Variants in GNG2 observed in about 807,000 individuals in gnomAD.
GNG2 encodes the protein G protein subunit gamma 2.
GNG2 carries 5 observed loss-of-function variants against 5.5 expected under a neutral mutation model. The ratio of observed to expected loss-of-function variants is 0.91; its 90% confidence interval spans 0.48 to 1.92. The LOEUF (loss-of-function observed/expected upper bound fraction) is 1.92, where lower values mean the gene tolerates loss of function less well. GNG2 is among the 30% of genes most tolerant of loss of function. The pLI, the probability that GNG2 is intolerant of heterozygous loss-of-function variation, is 0.01. For missense variants in GNG2, 55 were observed against 88.4 expected (o/e 0.62, Z 1.52); for synonymous variants, 28 against 32.0 (o/e 0.88, Z 0.42).
At chr14:51,854,862 C>G (rs1189941710) in intron 2 of GNG2, among the ~76,000 whole-genome samples, 1 of 152,124 alleles carries the variant, frequency 6.6e-6, no homozygotes, top group Non-Finnish European at 1.5e-5. Flanking sequence ...GCCTCCCTCC[C>G]GTCTTTTGCC....
At chr14:51,882,452 G>C (rs1884146490) in intron 2 of GNG2, among the ~76,000 whole-genome samples, 2 of 152,172 alleles carry the variant, frequency 1.3e-5, no homozygotes, top group South Asian at 4.1e-4. Flanking sequence ...ACTGGGAACA[G>C]ATATTTGGAT....
At chr14:51,919,202 A>C (rs2140221123) in intron 2 of GNG2, among the ~76,000 whole-genome samples, 1 of 152,314 alleles carries the variant, frequency 6.6e-6, no homozygotes, top group South Asian at 2.1e-4. Flanking sequence ...GTCTTCATTA[A>C]TTTAAACTCT....
intron 2 of GNG2, among the ~76,000 whole-genome samples, chr14:51,944,452 A>G (rs544809721): frequency 6.6e-6 from 1 of 152,332 alleles, no homozygotes; most frequent in East Asian, 1.9e-4. Flanking sequence ...TGACCTAATT[A>G]CTTCCCAAGG....
At chr14:51,839,217 C>T (rs1018744926) in intron 2 of GNG2, among the ~76,000 whole-genome samples, 4 of 152,178 alleles carry the variant, frequency 2.6e-5, no homozygotes, top group African/African-American at 9.7e-5. Context: ...TGGCTTTATA[C>T]ATTTTAGGGA....
intron 2 of GNG2, among the ~76,000 whole-genome samples, chr14:51,842,423 A>T (rs1280603752): frequency 6.6e-6 from 1 of 152,198 alleles, no homozygotes. Flanking sequence ...CAATAATGGA[A>T]CCTATGACTG....
intron 2 of GNG2, among the ~76,000 whole-genome samples, chr14:51,899,056 A>G (rs1316298): frequency 0.35 from 53,687 of 152,060 alleles, 9,746 homozygotes; most frequent in South Asian, 0.43. Flanking sequence ...CTACTCTGGA[A>G]TTGACCTGAT....
At chr14:51,869,304 C>T (rs142006293) in intron 1 of GNG2, among the ~76,000 whole-genome samples, 166 of 152,330 alleles carry the variant, frequency 1.1e-3, no homozygotes, top group Middle Eastern at 6.8e-3. Flanking sequence ...AAATTGATCG[C>T]AAGACCTCTG....
At chr14:51,916,565 G>A (rs1335249351) in intron 2 of GNG2, 4 of 440,530 alleles carry the variant, frequency 9.1e-6, no homozygotes, top group Non-Finnish European at 1.4e-5. Flanking sequence ...TGGGACAGCG[G>A]ATTTGCAGCT....
intron 1 of GNG2, among the ~76,000 whole-genome samples, chr14:51,827,195 C>G (rs777980796): frequency 6.6e-6 from 1 of 152,184 alleles, no homozygotes; most frequent in African/African-American, 2.4e-5. Flanking sequence ...GAGAAGGGCA[C>G]GGGCACAGAT....
chr14:51,931,891 G>A (rs1002520325), intron 2 of GNG2, among the ~76,000 whole-genome samples: 1 of 152,042 alleles, frequency 6.6e-6, no homozygotes, highest in Non-Finnish European at 1.5e-5. Context: ...CCATGTTCAC[G>A]GCACCACTGT....
upstream of GNG2, among the ~76,000 whole-genome samples, chr14:51,857,943 G>A (rs71422041): frequency 3.5e-3 from 534 of 152,254 alleles, 1 homozygote; most frequent in Middle Eastern, 0.017. Context: ...AGAGACATCA[G>A]GCCAAAATTA....
chr14:51,875,870 A>G lies in GNG2; in HGVS notation c.-70-1747A>G, dbSNP rs952283511. On this transcript the variant is annotated intron_variant, in intron 1 of 3. Coordinates refer to ENST00000556766, the MANE Select transcript of GNG2 (RefSeq NM_053064.5). ...TTTTAAGTTACTTTTTAAAGTAACA[A>G]TATTTATTAATTTTAAAATAAAGTT... Among the ~76,000 whole-genome samples the G allele has an allele frequency of 3.3e-5, 5 of 151,644 alleles. No homozygotes were observed. In the East Asian group the frequency reaches 5.8e-4, roughly 18 times the overall value.
At chr14:51,857,680 G>A (rs1322954412), upstream of GNG2, among the ~76,000 whole-genome samples, 1 of 151,480 alleles carries the variant, frequency 6.6e-6, no homozygotes, top group African/African-American at 2.4e-5. Flanking sequence ...GAGAGGAGGG[G>A]TTTGGGCAAG....
chr14:51,853,737 C>T (rs1227149987), intron 2 of GNG2, among the ~76,000 whole-genome samples: 1 of 152,168 alleles, frequency 6.6e-6, no homozygotes, highest in Non-Finnish European at 1.5e-5. Context: ...ATTAATCTTG[C>T]AGATTTGTAT....
Position 51,968,053 on chromosome 14 carries a change from A to G in GNG2, c.*1366A>G, listed in dbSNP as rs35178030. ...GATGGTCTTGGTTTTTCACTTAACA[A>G]ATTTTTTAATGGAATCTTTGTTTTT... On this transcript the variant is annotated 3_prime_UTR_variant, in exon 4 of 4. Coordinates refer to ENST00000556766, the MANE Select transcript of GNG2 (RefSeq NM_053064.5). 1.3e-5 allele frequency: 2 copies of G among 152,122 alleles called. No individual in the cohort carries two copies. Among genetic ancestry groups the G allele is most frequent in the Non-Finnish European group, 1.5e-5 (1 of 68,014 alleles). 9.4% of individuals were successfully genotyped at this position (152,122 alleles called of 1,614,324 possible).
At position 51,913,739 on chromosome 14, in the gene GNG2, C is replaced by G. The variant is rs188670194; in HGVS notation, c.-30+36082C>G. ...AGGAATAAGCACAGAGCTCTTAGTA[C>G]TGCTGTAAAACTAGAAGTTACTGTG... is the stretch of plus-strand genomic sequence containing the variant. On this transcript the variant is annotated intron_variant, in intron 2 of 3. Coordinates refer to ENST00000556766, the MANE Select transcript of GNG2 (RefSeq NM_053064.5). 3.3e-5 allele frequency among the ~76,000 whole-genome samples: 5 copies of G among 152,278 alleles called. No individual in the cohort carries two copies. In the East Asian group the frequency reaches 9.6e-4, roughly 29 times the overall value.
chr14:51,929,930 G>A (rs957594127), intron 2 of GNG2, among the ~76,000 whole-genome samples: 3 of 152,162 alleles, frequency 2.0e-5, no homozygotes, highest in African/African-American at 7.2e-5. Flanking sequence ...GTCCCTGTCA[G>A]CCAAAAGAAA....
At chr14:51,888,123 T>C (rs922633658) in intron 2 of GNG2, among the ~76,000 whole-genome samples, 6 of 152,196 alleles carry the variant, frequency 3.9e-5, no homozygotes, top group Non-Finnish European at 4.4e-5. Context: ...TTCAAAAGTT[T>C]CCTCATGCTC....
At chr14:51,844,603 A>G (rs1018455903) in intron 2 of GNG2, among the ~76,000 whole-genome samples, 1 of 152,210 alleles carries the variant, frequency 6.6e-6, no homozygotes, top group Non-Finnish European at 1.5e-5. Context: ...AAGAGGACTC[A>G]GTTCCAAGAA....
Sources: allele counts gnomAD v4.1 joint callset (sites outside exome capture counted in the v4.1 genomes callset), GRCh38; gene constraint gnomAD v4.1.1; transcripts MANE v1.5; gene names NCBI Gene and HGNC (gene_info 2026-07-23, HGNC 2026-07-21).